Variants in PLEKHA7 observed in about 807,000 individuals in gnomAD.
PLEKHA7 encodes the protein pleckstrin homology domain-containing family A member 7.
Under a neutral mutation model 170.0 loss-of-function variants are expected in PLEKHA7, and 104 were observed. That is an observed-to-expected ratio of 0.61 (90% CI 0.52 to 0.72). The LOEUF (loss-of-function observed/expected upper bound fraction) is 0.72. Ranked by LOEUF, PLEKHA7 falls within the 30% of genes least tolerant of loss-of-function variation. The pLI, the probability that PLEKHA7 is intolerant of heterozygous loss-of-function variation, is 0.00. For missense variants in PLEKHA7, 1,615 were observed against 1,671.7 expected, an observed-to-expected ratio of 0.97 and a Z score of 0.59; for synonymous variants, 648 against 660.8, an observed-to-expected ratio of 0.98 and a Z score of 0.30.
intron 3 of PLEKHA7, among the ~76,000 whole-genome samples, chr11:16,893,956 G>T (rs964609096): frequency 6.6e-6 from 1 of 152,210 alleles, no homozygotes; most frequent in Non-Finnish European, 1.5e-5. Context: ...TGTTGATGCT[G>T]TACTGAATCA....
intron 4 of PLEKHA7, among the ~76,000 whole-genome samples, chr11:16,861,183 T>C (rs1219404444): frequency 6.6e-6 from 1 of 152,116 alleles, no homozygotes; most frequent in African/African-American, 2.4e-5. Context: ...TAATTCTGTG[T>C]CTGGAGGACT....
In PLEKHA7 at chr11:16,826,440, C is replaced by T. The variant is rs1316978454; in HGVS notation, c.1023G>A (p.Glu341=). 3 of 1,614,242 alleles carry T rather than the reference C, an allele frequency of 1.9e-6. No homozygotes were observed. The highest frequency in any genetic ancestry group is 1.7e-5 in the Admixed American group (1 of 60,022). ...DIVNFERQEQ[E]GEQYRSQRDP... is the part of the protein sequence containing the mutation. ...CCCTCTGGGAACGGTACTGCTCTCC[C>T]TCCTGCTCCTGCCTCTCGAAGTTGA... The change falls in exon 10 of 27, where the codon GAG becomes GAA. Residue 341 remains glutamate, a synonymous_variant. Coordinates refer to ENST00000531066, the MANE Select transcript of PLEKHA7 (RefSeq NM_001329630.2).
Position 16,841,530 on chromosome 11 carries a change from C to T in PLEKHA7, c.872+17G>A. ...GTGTAGGAGGTGCTGTGGCAGGGAC[C>T]CTCCATCAGAACTAACCTCTTCAGT... On this transcript the variant is annotated intron_variant, in intron 9 of 26. Transcript: ENST00000531066. 1 of 1,606,856 alleles carries T rather than the reference C, an allele frequency of 6.2e-7. No individual in the cohort carries two copies. Among genetic ancestry groups the T allele is most frequent in the Non-Finnish European group, 8.5e-7 (1 of 1,176,066 alleles).
chr11:16,801,190 C>T, intron 16 of PLEKHA7, 115 bp from the exon 17 acceptor site: 1 of 861,190 alleles, frequency 1.2e-6, no homozygotes, highest in South Asian at 1.4e-5. Context: ...GGGAAGGAGA[C>T]CGGGCAGGCC....
chr11:16,980,028 G>A (rs748886621), intron 3 of PLEKHA7, among the ~76,000 whole-genome samples: 18 of 152,136 alleles, frequency 1.2e-4, no homozygotes, highest in Admixed American at 7.9e-4. Context: ...AAATGGGTAC[G>A]ACCCACAGTA....
At chr11:16,837,068 C>T (rs1342909022) in intron 9 of PLEKHA7, among the ~76,000 whole-genome samples, 1 of 152,178 alleles carries the variant, frequency 6.6e-6, no homozygotes, top group African/African-American at 2.4e-5. Context: ...AAGTTGTCCG[C>T]CTGCTTCGGC....
intron 3 of PLEKHA7, among the ~76,000 whole-genome samples, chr11:16,902,176 C>A (rs2136053426): frequency 6.6e-6 from 1 of 152,336 alleles, no homozygotes; most frequent in Middle Eastern, 3.4e-3. Flanking sequence ...TGTACCAGTA[C>A]TTCATTCCTT....
intron 3 of PLEKHA7, among the ~76,000 whole-genome samples, chr11:17,012,113 G>A (rs1229707444): frequency 1.3e-5 from 2 of 152,132 alleles, no homozygotes; most frequent in Non-Finnish European, 2.9e-5. Flanking sequence ...CTGCTCTCCT[G>A]CCTCCCCCTG....
chr11:16,836,129 T>C (rs1286617456), intron 9 of PLEKHA7, among the ~76,000 whole-genome samples: 2 of 152,234 alleles, frequency 1.3e-5, no homozygotes, highest in Non-Finnish European at 2.9e-5. Context: ...GACCAGACTC[T>C]GGCTCTTTCC....
chr11:16,817,158 C>G lies in PLEKHA7; in HGVS notation c.1508G>C (p.Ser503Thr), dbSNP rs748400746. 2.5e-6 allele frequency: 4 copies of G among 1,614,216 alleles called. No homozygotes were observed. In the South Asian group the frequency reaches 4.4e-5, roughly 18 times the overall value. Reference protein sequence around the residue: ...SDYKYAQDRASHLKMSSEERR... With the variant: ...SDYKYAQDRATHLKMSSEERR... ...CTCTTCACTCGACATCTTCAGGTGGCTGGCTCGGTCCTGCGCATACTTGTA... is the reference window on the plus strand; with the variant it reads ...CTCTTCACTCGACATCTTCAGGTGGGTGGCTCGGTCCTGCGCATACTTGTA... The change falls in exon 11 of 27, where the codon AGC (serine) becomes ACC (threonine). Residue 503 changes from serine to threonine, a missense_variant. By Grantham distance (58) the Ser-to-Thr change is moderately conservative. Transcript: ENST00000531066. The surrounding 1 kb of genome is among the most constrained non-coding windows in gnomAD (Gnocchi z 4.4).
chr11:16,795,532 C>T (rs1848162534), intron 17 of PLEKHA7, among the ~76,000 whole-genome samples: 1 of 152,180 alleles, frequency 6.6e-6, no homozygotes, highest in Non-Finnish European at 1.5e-5. Flanking sequence ...TGGCTCTTGT[C>T]TGTTATCCCC....
chr11:16,989,564 T>TCCCCA, intron 3 of PLEKHA7, among the ~76,000 whole-genome samples: 1 of 152,264 alleles, frequency 6.6e-6, no homozygotes, highest in Admixed American at 6.5e-5. Context: ...ACACCACAGC[T>TCCCCA]CTACTGCTTT....
chr11:16,841,575 G>C lies in PLEKHA7; in HGVS notation c.844C>G (p.Gln282Glu). The C allele has an allele frequency of 6.2e-7, 1 of 1,613,826 alleles. No individual in the cohort carries two copies. Among genetic ancestry groups the C allele is most frequent in the Non-Finnish European group, 8.5e-7 (1 of 1,180,012 alleles). Residue 282 changes from glutamine (Q) to glutamate (E), a missense_variant, in exon 9 of 27, where the codon CAG becomes GAG. Physicochemically the swap from Gln to Glu is conservative, Grantham distance 29. Transcript: ENST00000531066. Reference sequence around the variant, plus strand: ...TTCAGTGACGATCGAGACAGCACCTGTGCAGCCTGGTTCATGGCCCTGACC... The same window carrying C: ...TTCAGTGACGATCGAGACAGCACCTCTGCAGCCTGGTTCATGGCCCTGACC... ...AWVRAMNQAA[Q>E]VLSRSSLKRD...
chr11:16,872,809 A>ATT (rs11331184), intron 3 of PLEKHA7, among the ~76,000 whole-genome samples: 1 of 150,494 alleles, frequency 6.6e-6, no homozygotes, highest in East Asian at 2.0e-4. Context: ...GCCAAATGTA[A>ATT]TTTTTTTTTT....
rs1245312385 is a variant in PLEKHA7, at chr11:16,817,415, T to C, written c.1344-93A>G. 1.1e-5 allele frequency: 14 copies of C among 1,294,018 alleles called. No homozygotes were observed. In the East Asian group the frequency reaches 1.4e-4, roughly 13 times the overall value. The allele number at this position is 1,294,018 out of a possible 1,614,324, so 80.2% of individuals were successfully genotyped here. On this transcript the variant is annotated intron_variant, in intron 10 of 26. Transcript: ENST00000531066. This position sits in a 1 kb window ranked among gnomAD's most constrained non-coding sequence, Gnocchi z 4.4. Reference sequence around the variant, plus strand: ...CTAAGTAAACCCACAAAGCTGGGCATGTGGGACAGTCCTGTAAGAACCTCA... The same window carrying C: ...CTAAGTAAACCCACAAAGCTGGGCACGTGGGACAGTCCTGTAAGAACCTCA...
At chr11:16,965,407 T>C (rs1862313109) in intron 3 of PLEKHA7, among the ~76,000 whole-genome samples, 1 of 152,178 alleles carries the variant, frequency 6.6e-6, no homozygotes, top group African/African-American at 2.4e-5. Flanking sequence ...TAATGTATTG[T>C]GTCAATGGCA....
chr11:16,906,278 G>A (rs866231002), intron 3 of PLEKHA7, among the ~76,000 whole-genome samples: 15 of 98,678 alleles, frequency 1.5e-4, no homozygotes, highest in African/African-American at 2.4e-4. Flanking sequence ...AAGGAAGGAA[G>A]GAAAGAAAGA....
intron 3 of PLEKHA7, among the ~76,000 whole-genome samples, chr11:16,970,349 T>A (rs1862632845): frequency 6.6e-6 from 1 of 152,100 alleles, no homozygotes; most frequent in Non-Finnish European, 1.5e-5. Flanking sequence ...TTCAAGGTGT[T>A]ATTTTAAGGA....
At chr11:16,915,828 T>G (rs898647502) in intron 3 of PLEKHA7, among the ~76,000 whole-genome samples, 2 of 149,628 alleles carry the variant, frequency 1.3e-5, no homozygotes, top group African/African-American at 2.5e-5. Context: ...AACATACGTG[T>G]GCATGTGTCT....
Sources: allele counts gnomAD v4.1 joint callset (sites outside exome capture counted in the v4.1 genomes callset), GRCh38; gene constraint gnomAD v4.1.1; non-coding constraint Gnocchi (gnomAD v3.1); transcripts MANE v1.5; gene names NCBI Gene and HGNC (gene_info 2026-07-23, HGNC 2026-07-21).